Variants in ZC3H13 observed in about 807,000 individuals in gnomAD.
The protein encoded by ZC3H13 is zinc finger CCCH domain-containing protein 13.
Under a neutral mutation model 204.1 loss-of-function variants are expected in ZC3H13, and 64 were observed. The ratio of observed to expected loss-of-function variants is 0.31; its 90% CI spans 0.26 to 0.39. The LOEUF (loss-of-function observed/expected upper bound fraction) is 0.39. Ranked by LOEUF, ZC3H13 falls within the 10% of genes least tolerant of loss-of-function variation. The probability of loss-of-function intolerance (pLI) is 1.00; values close to 1 mark genes in which losing one functional copy is unlikely to be tolerated. For missense variants in ZC3H13, 1,833 were observed against 2,082.7 expected, an observed-to-expected ratio of 0.88 and a Z score of 2.33; for synonymous variants, 667 against 693.7, an observed-to-expected ratio of 0.96 and a Z score of 0.60.
chr13:46,018,083 A>C (rs2042017410), intron 5 of ZC3H13, among the ~76,000 whole-genome samples: 1 of 152,178 alleles, frequency 6.6e-6, no homozygotes, highest in Non-Finnish European at 1.5e-5. Context: ...TCCGTGTAAG[A>C]CTGAAGGGCT....
intron 7 of ZC3H13, among the ~76,000 whole-genome samples, chr13:46,005,508 G>A (rs1200671842): frequency 6.6e-6 from 1 of 151,520 alleles, no homozygotes; most frequent in Non-Finnish European, 1.5e-5. Flanking sequence ...CTTTTTTTTG[G>A]AGACAGTGTC....
rs541437111 is a variant in ZC3H13, at chr13:46,005,250, T to C, written c.747-1914A>G. Among the ~76,000 whole-genome samples, 33 of 152,344 alleles carry C rather than the reference T, an allele frequency of 2.2e-4. 1 individual carries two copies. The highest frequency in any genetic ancestry group is 6.7e-4 in the African/African-American group (28 of 41,584). On this transcript the variant is annotated intron_variant, in intron 7 of 18. Transcript: ENST00000679008. Reference sequence around the variant, plus strand: ...TGTTTCAATCTGAAACTTCAAACTTTTTACTCAATTTCTTCTATTTTCATT... The same window carrying C: ...TGTTTCAATCTGAAACTTCAAACTTCTTACTCAATTTCTTCTATTTTCATT...
intron 8 of ZC3H13, among the ~76,000 whole-genome samples, chr13:46,002,704 G>A (rs1185609481): frequency 6.6e-6 from 1 of 152,098 alleles, no homozygotes; most frequent in African/African-American, 2.4e-5. Context: ...ACTTATATAA[G>A]GTATCTGAAG....
intron 1 of ZC3H13, 120 bp from the exon 2 acceptor site, chr13:46,045,636 T>C: frequency 1.4e-6 from 1 of 714,902 alleles, no homozygotes; most frequent in Non-Finnish European, 2.4e-6. Context: ...AGATTTTCCT[T>C]GGGAGATTAA....
In ZC3H13 at chr13:45,954,713, C is replaced by A. The variant is rs914994523; in HGVS notation, c.*2414G>T. On this transcript the variant is annotated 3_prime_UTR_variant, in exon 19 of 19. Coordinates refer to ENST00000679008, the MANE Select transcript of ZC3H13 (RefSeq NM_001330564.2). The stretch of plus-strand genomic sequence containing the variant: ...CTTTACACAATTGGACAGTGAGGAG[C>A]AAAGTGGGAGATTCTACCAATGCCA... 7 of 152,122 alleles carry A rather than the reference C, an allele frequency of 4.6e-5. No homozygotes were observed. The highest frequency in any genetic ancestry group is 1.7e-4 in the African/African-American group (7 of 41,428). The allele number at this position is 152,122 out of a possible 1,614,324, so 9.4% of individuals were successfully genotyped here. A position where few individuals can be genotyped will look rare whatever the true frequency, so the allele number is the denominator to read the frequency against.
intron 7 of ZC3H13, among the ~76,000 whole-genome samples, chr13:46,004,892 T>C (rs922197878): frequency 1.3e-5 from 2 of 152,214 alleles, no homozygotes; most frequent in Admixed American, 6.5e-5. Flanking sequence ...GTGCCTCTTT[T>C]TGGCAATTTA....
Position 45,969,577 on chromosome 13 carries a change from A to G in ZC3H13, c.2967T>C (p.Gly989=), listed in dbSNP as rs1952405606. 6.2e-7 allele frequency: 1 copy of G among 1,610,374 alleles called. No individual in the cohort carries two copies. The highest frequency in any genetic ancestry group is 1.7e-5 in the Admixed American group (1 of 59,270). The part of the protein sequence containing the change: ...RGNIETTSED[G]QVFSPKKGQK... ...GTCCTTTTTTTGGTGAAAATACTTG[A>G]CCATCTTCAGATGTTGTCTCTATGT... Residue 989 remains glycine, a synonymous_variant, in exon 14 of 19, where the codon GGT becomes GGC. Coordinates refer to ENST00000679008, the MANE Select transcript of ZC3H13 (RefSeq NM_001330564.2).
rs1335450311 is a variant in ZC3H13, at chr13:45,969,501, C to G, written c.3043G>C (p.Asp1015His). The G allele has an allele frequency of 5.6e-6, 9 of 1,605,054 alleles. No homozygotes were observed. Among genetic ancestry groups the G allele is most frequent in the Non-Finnish European group, 6.8e-6 (8 of 1,177,882 alleles). ...TGGGCTGCTTCTTCATCAGAAATATCAGAATCACCTTTGGATTTTTTACGT... is the reference window on the plus strand; with the variant it reads ...TGGGCTGCTTCTTCATCAGAAATATGAGAATCACCTTTGGATTTTTTACGT... ...KKRKKSKGDS[D>H]ISDEEAAQQS... The change falls in exon 14 of 19, where the codon GAT becomes CAT. Residue 1015 changes from aspartate (D) to histidine (H), a missense_variant. By Grantham distance (81) the Asp-to-His change is moderately conservative (BLOSUM62 -1). Coordinates refer to ENST00000679008, the MANE Select transcript of ZC3H13 (RefSeq NM_001330564.2).
At chr13:46,024,232 G>A (rs1029986034) in intron 4 of ZC3H13, among the ~76,000 whole-genome samples, 4 of 140,092 alleles carry the variant, frequency 2.9e-5, no homozygotes, top group Non-Finnish European at 6.2e-5. Flanking sequence ...ATAACTTCAG[G>A]CTATAACAAG....
chr13:46,030,674 G>C (rs1004772265), intron 4 of ZC3H13, among the ~76,000 whole-genome samples: 2 of 151,774 alleles, frequency 1.3e-5, no homozygotes, highest in South Asian at 4.2e-4. Flanking sequence ...AACGGTAAGT[G>C]GAATTTAAAA....
intron 9 of ZC3H13, among the ~76,000 whole-genome samples, chr13:45,986,459 T>C (rs959900048): frequency 6.6e-6 from 1 of 152,060 alleles, no homozygotes; most frequent in African/African-American, 2.4e-5. Flanking sequence ...AAAAAGCATT[T>C]CATACAAAAA....
At chr13:46,002,613 A>G (rs1018155643) in intron 8 of ZC3H13, among the ~76,000 whole-genome samples, 1 of 152,218 alleles carries the variant, frequency 6.6e-6, no homozygotes, top group African/African-American at 2.4e-5. Flanking sequence ...ATCCTGTCAC[A>G]TGCCACAGCA....
chr13:46,011,991 C>A (rs1456055610), intron 5 of ZC3H13, among the ~76,000 whole-genome samples: 1 of 152,162 alleles, frequency 6.6e-6, no homozygotes, highest in Non-Finnish European at 1.5e-5. Context: ...GGTTATATTA[C>A]GTGTGCAACA....
chr13:46,044,055 T>C (rs996115413), intron 3 of ZC3H13, among the ~76,000 whole-genome samples: 1 of 150,926 alleles, frequency 6.6e-6, no homozygotes. Flanking sequence ...GAATCACAAA[T>C]AAACTAAAAT....
At position 46,020,414 on chromosome 13, in the gene ZC3H13, G is replaced by C. The variant is rs531113766; in HGVS notation, c.448+35C>G. ...AAAACTCTAGAAAGTAAATAATCAAGAATTCGCCATTTAAACCAAGATTCT... is the reference window on the plus strand; with the variant it reads ...AAAACTCTAGAAAGTAAATAATCAACAATTCGCCATTTAAACCAAGATTCT... On this transcript the variant is annotated intron_variant, in intron 5 of 18. Coordinates refer to ENST00000679008, the MANE Select transcript of ZC3H13 (RefSeq NM_001330564.2). 2.6e-6 allele frequency: 4 copies of C among 1,516,186 alleles called. No individual in the cohort carries two copies. In the East Asian group the frequency reaches 9.1e-5, roughly 34 times the overall value. The allele number at this position is 1,516,186 out of a possible 1,614,324, so 93.9% of individuals were successfully genotyped here.
intron 17 of ZC3H13, chr13:45,963,069 C>T (rs1478231162): frequency 1.0e-6 from 1 of 984,310 alleles, no homozygotes; most frequent in Admixed American, 6.2e-5. Context: ...ATGCCAGGAA[C>T]TGTTCTAAGT....
At chr13:46,031,018 T>C (rs773610237) in intron 4 of ZC3H13, among the ~76,000 whole-genome samples, 8 of 152,038 alleles carry the variant, frequency 5.3e-5, no homozygotes, top group Non-Finnish European at 1.2e-4. Flanking sequence ...ACTACCTGAC[T>C]TCAACACTTC....
At chr13:46,006,071 T>G in intron 7 of ZC3H13, among the ~76,000 whole-genome samples, 1 of 128,214 alleles carries the variant, frequency 7.8e-6, no homozygotes, top group African/African-American at 3.2e-5. Flanking sequence ...GGTGACAGAG[T>G]GGGACTCTGT....
intron 18 of ZC3H13, among the ~76,000 whole-genome samples, chr13:45,958,500 G>A (rs2137703696): frequency 6.6e-6 from 1 of 152,142 alleles, no homozygotes; most frequent in East Asian, 1.9e-4. Flanking sequence ...TTACCCAGTT[G>A]AGCATCCCTA....
Sources: gnomAD v4.1 joint callset for allele counts (sites outside exome capture counted in the v4.1 genomes callset) on GRCh38, gnomAD v4.1.1 for gene constraint, MANE v1.5 for transcripts, NCBI Gene and HGNC (gene_info 2026-07-23, HGNC 2026-07-21) for gene names.